Variants in KLHL5 observed in about 807,000 individuals in gnomAD.
KLHL5 encodes the protein kelch like family member 5, also known as kelch-like protein 5.
In KLHL5, 48 loss-of-function variants were observed where a neutral mutation model predicts 77.7. The observed-to-expected ratio is 0.62, with a 90% confidence interval of 0.49 to 0.79. The LOEUF (loss-of-function observed/expected upper bound fraction) is 0.79, where lower values mean the gene tolerates loss of function less well. Ranked by LOEUF, KLHL5 falls within the 30% of genes least tolerant of loss-of-function variation. The pLI, the probability that KLHL5 is intolerant of heterozygous loss-of-function variation, is 0.00. For synonymous variants in KLHL5, 260 were observed against 297.0 expected, an observed-to-expected ratio of 0.88 and a Z score of 1.28; for missense variants, 723 against 859.7, an observed-to-expected ratio of 0.84 and a Z score of 1.99.
intron 4 of KLHL5, among the ~76,000 whole-genome samples, chr4:39,083,053 T>C (rs1034534118): frequency 6.6e-6 from 1 of 152,202 alleles, no homozygotes; most frequent in Non-Finnish European, 1.5e-5. Flanking sequence ...CAGTTATGGA[T>C]ATTACCAATT....
chr4:39,091,191 G>A (rs1720516474), intron 5 of KLHL5, among the ~76,000 whole-genome samples: 1 of 151,706 alleles, frequency 6.6e-6, no homozygotes, highest in African/African-American at 2.4e-5. Context: ...GTTTTACCAT[G>A]TTGGCCAGGC....
rs554424763 is a variant in KLHL5 at position 39,081,379 on chromosome 4, G to A, written c.703+140G>A. On this transcript the variant is annotated intron_variant, in intron 3 of 10. Transcript: ENST00000504108. This position sits in a 1 kb window ranked among gnomAD's most constrained non-coding sequence, Gnocchi z 4.3. ...ATTACTACCCTTTGTATTTAACCTG[G>A]TGATGAATTAAAATTTCCATACTAA... 4 of 574,966 alleles carry A rather than the reference G, an allele frequency of 7.0e-6. No individual in the cohort carries two copies. Among genetic ancestry groups the A allele is most frequent in the South Asian group, 1.4e-4 (2 of 14,782 alleles). 35.6% of individuals were successfully genotyped at this position (574,966 alleles called of 1,614,324 possible). A position where few individuals can be genotyped will look rare whatever the true frequency, so the allele number is the denominator to read the frequency against.
intron 10 of KLHL5, 57 bp downstream of exon 10, chr4:39,115,387 AT>A: frequency 6.3e-7 from 1 of 1,598,940 alleles, no homozygotes; most frequent in Non-Finnish European, 8.5e-7. Context: ...AACAATTCTT[AT>A]GGTAAAACAG....
the KLHL5 span, among the ~76,000 whole-genome samples, chr4:39,141,696 G>A: frequency 6.6e-6 from 1 of 152,004 alleles, no homozygotes; most frequent in African/African-American, 2.4e-5. Context: ...CCAGCAATTT[G>A]AGAGGCTGAG....
chr4:39,057,234 G>GCA (rs1385601004), upstream of KLHL5, among the ~76,000 whole-genome samples: 1 of 152,088 alleles, frequency 6.6e-6, no homozygotes, highest in Non-Finnish European at 1.5e-5. Flanking sequence ...TAAATACCAT[G>GCA]CACTGTACAG....
chr4:39,113,270 T>C (rs755382746), intron 9 of KLHL5, 38 bp downstream of exon 9: 2 of 1,499,920 alleles, frequency 1.3e-6, no homozygotes, highest in South Asian at 1.1e-5. Flanking sequence ...ACAAAAAAGA[T>C]ATATATAAGT....
intron 1 of KLHL5, among the ~76,000 whole-genome samples, chr4:39,069,269 C>G (rs1287756478): frequency 6.6e-6 from 1 of 151,860 alleles, no homozygotes; most frequent in African/African-American, 2.4e-5. Flanking sequence ...CAGTCTTACC[C>G]TAGGTAGCCA....
At chr4:39,096,353 T>C (rs80058619) in intron 5 of KLHL5, among the ~76,000 whole-genome samples, 2,223 of 152,230 alleles carry the variant, frequency 0.015, 55 homozygotes, top group African/African-American at 0.051. Flanking sequence ...GAATTATTTC[T>C]GATTTTAATA....
At chr4:39,057,755 C>T (rs534624470), upstream of KLHL5, among the ~76,000 whole-genome samples, 42 of 152,074 alleles carry the variant, frequency 2.8e-4, no homozygotes, top group African/African-American at 9.9e-4. Context: ...GCATATCACA[C>T]ACTTAAAACT....
intron 1 of KLHL5, among the ~76,000 whole-genome samples, chr4:39,045,476 G>C (rs1716109850): frequency 6.6e-6 from 1 of 152,054 alleles, no homozygotes; most frequent in African/African-American, 2.4e-5. Context: ...AAACAAACTG[G>C]AAACCATTTC....
upstream of KLHL5, among the ~76,000 whole-genome samples, chr4:39,060,842 T>C (rs1014016358): frequency 2.6e-5 from 4 of 152,220 alleles, no homozygotes; most frequent in African/African-American, 7.2e-5. Flanking sequence ...TAAAACATTG[T>C]CCTGTTCAAC....
At position 39,084,872 on chromosome 4, in the gene KLHL5, C is replaced by A. The variant is rs536724172; in HGVS notation, c.901-1643C>A. Among the ~76,000 whole-genome samples, 3 of 152,142 alleles carry A rather than the reference C, an allele frequency of 2.0e-5. No homozygotes were observed. In the South Asian group the frequency reaches 6.2e-4, roughly 32 times the overall value. On this transcript the variant is annotated intron_variant, in intron 4 of 10. Coordinates refer to ENST00000504108, the MANE Select transcript of KLHL5 (RefSeq NM_015990.5). ...TTATCATAAGTACCTTTCCATGTACCTACGTGATCTTTGTCTTTGAAATTT... is the reference window on the plus strand; with the variant it reads ...TTATCATAAGTACCTTTCCATGTACATACGTGATCTTTGTCTTTGAAATTT...
intron 1 of KLHL5, among the ~76,000 whole-genome samples, chr4:39,047,571 A>G (rs139244924): frequency 5.3e-5 from 8 of 152,360 alleles, no homozygotes; most frequent in African/African-American, 1.9e-4. Context: ...CGGCATTTTA[A>G]CATACTGTAT....
intron 5 of KLHL5, among the ~76,000 whole-genome samples, chr4:39,095,645 A>C (rs567220321): frequency 1.3e-5 from 2 of 151,944 alleles, no homozygotes; most frequent in East Asian, 3.9e-4. Flanking sequence ...ATGTATGTAC[A>C]TACTGAAACA....
intron 5 of KLHL5, among the ~76,000 whole-genome samples, chr4:39,088,803 G>A (rs1720273629): frequency 6.6e-6 from 1 of 152,130 alleles, no homozygotes; most frequent in East Asian, 1.9e-4. Context: ...ATAACCAGGA[G>A]AAATAGGAGC....
At chr4:39,074,322 G>A (rs1184064496) in intron 1 of KLHL5, among the ~76,000 whole-genome samples, 3 of 152,170 alleles carry the variant, frequency 2.0e-5, no homozygotes, top group African/African-American at 4.8e-5. Flanking sequence ...ATCAGTTAAG[G>A]CACTGTTAAC....
At chr4:39,120,957 A>G (rs3733274) in intron 10 of KLHL5, 53 bp from the exon 11 acceptor site, 725,145 of 1,288,484 alleles carry the variant, frequency 0.56, 206,982 homozygotes, top group Admixed American at 0.62. Context: ...CTGGCATAGT[A>G]GTGTTGACAT....
intron 9 of KLHL5, among the ~76,000 whole-genome samples, chr4:39,114,598 C>T (rs1337631795): frequency 6.6e-6 from 1 of 152,142 alleles, no homozygotes; most frequent in East Asian, 1.9e-4. Flanking sequence ...GACCTATGCT[C>T]GTTGCATGTT....
chr4:39,095,240 T>G (rs10856841), intron 5 of KLHL5, among the ~76,000 whole-genome samples: 69,623 of 151,842 alleles, frequency 0.46, 17,346 homozygotes, highest in Admixed American at 0.56. Flanking sequence ...AAATTCAAAT[T>G]AAAGGGAAAA....
Sources: gnomAD v4.1 joint callset for allele counts (sites outside exome capture counted in the v4.1 genomes callset) on GRCh38, gnomAD v4.1.1 for gene constraint, Gnocchi (gnomAD v3.1) non-coding constraint, MANE v1.5 for transcripts, NCBI Gene and HGNC (gene_info 2026-07-23, HGNC 2026-07-21) for gene names.